Variants in KCNIP4 observed in about 807,000 individuals in gnomAD.
KCNIP4 encodes Kv channel-interacting protein 4.
A neutral mutation model predicts 34.0 loss-of-function variants in KCNIP4; 12 were observed. The observed-to-expected ratio is 0.35, with a 90% CI of 0.23 to 0.57. KCNIP4 has a LOEUF of 0.57. Ranked by LOEUF, KCNIP4 falls within the 20% of genes least tolerant of loss-of-function variation. The pLI is 0.83. For synonymous variants in KCNIP4, 124 were observed against 102.2 expected, an observed-to-expected ratio of 1.21 and a Z score of -1.29; for missense variants, 238 against 311.7, an observed-to-expected ratio of 0.76 and a Z score of 1.78.
chr4:20,868,282 A>G (rs1445779303), intron 2 of KCNIP4, among the ~76,000 whole-genome samples: 2 of 152,128 alleles, frequency 1.3e-5, no homozygotes, highest in African/African-American at 2.4e-5. Context: ...ATGTAAATCT[A>G]AATTACAATG....
intron 1 of KCNIP4, among the ~76,000 whole-genome samples, chr4:21,496,142 A>G (rs1292693271): frequency 1.3e-5 from 2 of 152,246 alleles, no homozygotes; most frequent in Non-Finnish European, 2.9e-5. Flanking sequence ...CACATCATCC[A>G]AAAGCTTTGG....
intron 3 of KCNIP4, among the ~76,000 whole-genome samples, chr4:20,844,917 G>A (rs1352429798): frequency 6.6e-6 from 1 of 151,928 alleles, no homozygotes; most frequent in African/African-American, 2.4e-5. Context: ...GTATGCTTCT[G>A]TTCTTCATGA....
At chr4:20,889,767 C>CA (rs201346832) in intron 1 of KCNIP4, among the ~76,000 whole-genome samples, 11,300 of 113,806 alleles carry the variant, frequency 0.099, 905 homozygotes, top group African/African-American at 0.26. Flanking sequence ...ACTGGAAGTT[C>CA]AAAAAAAAAA....
At chr4:21,887,466 T>A (rs926623249) in intron 1 of KCNIP4, among the ~76,000 whole-genome samples, 1 of 152,034 alleles carries the variant, frequency 6.6e-6, no homozygotes, top group African/African-American at 2.4e-5. Flanking sequence ...CACCATCACA[T>A]TTGGGATTCG....
In KCNIP4 at chr4:21,634,179, T is replaced by C. The variant is rs983530965; in HGVS notation, c.61+314392A>G. Reference sequence around the variant, plus strand: ...CAACAGAAGTTACTATGTTATCCACTATGTAGTATTTAAAATTCTTAGGAA... The same window carrying C: ...CAACAGAAGTTACTATGTTATCCACCATGTAGTATTTAAAATTCTTAGGAA... On this transcript the variant is annotated intron_variant, in intron 1 of 8. Transcript: ENST00000382152. Among the ~76,000 whole-genome samples, 5 of 146,052 alleles carry C rather than the reference T, an allele frequency of 3.4e-5. 1 individual carries two copies. The highest frequency in any genetic ancestry group is 2.8e-4 in the Admixed American group (4 of 14,346).
intron 1 of KCNIP4, among the ~76,000 whole-genome samples, chr4:21,051,534 G>A (rs1162373385): frequency 1.3e-5 from 2 of 152,108 alleles, no homozygotes; most frequent in African/African-American, 2.4e-5. Context: ...GAATCATAAT[G>A]TGTGGGGGTA....
intron 1 of KCNIP4, among the ~76,000 whole-genome samples, chr4:21,165,430 ATC>A (rs1350256619): frequency 8.1e-5 from 1 of 12,396 alleles, no homozygotes; most frequent in Non-Finnish European, 1.6e-4. Context: ...AAAAAAAAAA[ATC>A]ATATGTTTGA....
intron 1 of KCNIP4, among the ~76,000 whole-genome samples, chr4:21,499,538 A>G (rs191402047): frequency 2.6e-5 from 4 of 151,730 alleles, no homozygotes; most frequent in Admixed American, 1.3e-4. Context: ...AATCACTCAG[A>G]AAAAAACTGG....
intron 1 of KCNIP4, among the ~76,000 whole-genome samples, chr4:21,824,972 T>C (rs1458046780): frequency 1.3e-5 from 2 of 152,112 alleles, no homozygotes; most frequent in East Asian, 3.9e-4. Flanking sequence ...CTTAAATAAC[T>C]ATTATTATAG....
chr4:21,074,893 G>T (rs1240447967), intron 1 of KCNIP4, among the ~76,000 whole-genome samples: 1 of 152,060 alleles, frequency 6.6e-6, no homozygotes, highest in Non-Finnish European at 1.5e-5. Flanking sequence ...ATTTCGTTAT[G>T]TACCCAGTAG....
At chr4:21,484,092 T>G (rs895564540) in intron 1 of KCNIP4, among the ~76,000 whole-genome samples, 2 of 152,172 alleles carry the variant, frequency 1.3e-5, no homozygotes, top group Non-Finnish European at 2.9e-5. Flanking sequence ...GCATTTATAA[T>G]AATGCTTATG....
intron 1 of KCNIP4, among the ~76,000 whole-genome samples, chr4:21,596,291 T>C (rs1479904537): frequency 6.6e-6 from 1 of 152,176 alleles, no homozygotes; most frequent in Non-Finnish European, 1.5e-5. Context: ...AATATTTCAG[T>C]ACACCATAAT....
chr4:20,831,086 T>C (rs761669076), intron 3 of KCNIP4, among the ~76,000 whole-genome samples: 1 of 152,212 alleles, frequency 6.6e-6, no homozygotes, highest in African/African-American at 2.4e-5. Context: ...TGTGACTGTA[T>C]AATTTACTTT....
intron 1 of KCNIP4, among the ~76,000 whole-genome samples, chr4:21,675,323 G>A (rs911719895): frequency 6.6e-6 from 1 of 152,044 alleles, no homozygotes; most frequent in Non-Finnish European, 1.5e-5. Context: ...GGGGAGGTGA[G>A]GATGATTAAT....
intron 1 of KCNIP4, among the ~76,000 whole-genome samples, chr4:20,963,684 G>A (rs145729727): frequency 7.3e-4 from 111 of 152,232 alleles, no homozygotes; most frequent in African/African-American, 2.6e-3. Context: ...AGTGAAAGAG[G>A]AGGTTAAAAA....
chr4:21,628,555 G>C (rs1415603846), intron 1 of KCNIP4, among the ~76,000 whole-genome samples: 1 of 152,114 alleles, frequency 6.6e-6, no homozygotes, highest in Non-Finnish European at 1.5e-5. Context: ...CAGATCCTTG[G>C]CTTAAATTCC....
intron 1 of KCNIP4, among the ~76,000 whole-genome samples, chr4:21,508,610 A>T (rs116630145): frequency 7.2e-5 from 11 of 152,344 alleles, no homozygotes; most frequent in Non-Finnish European, 1.6e-4. Context: ...TAAGTCAGAC[A>T]TACTCTGCTT....
intron 1 of KCNIP4, among the ~76,000 whole-genome samples, chr4:21,089,207 G>A (rs1381314243): frequency 2.0e-5 from 3 of 152,152 alleles, no homozygotes; most frequent in Admixed American, 1.3e-4. Flanking sequence ...AGATCATGGG[G>A]GTGGACTTCC....
intron 1 of KCNIP4, among the ~76,000 whole-genome samples, chr4:21,540,803 G>A (rs1737616272): frequency 6.6e-6 from 1 of 152,062 alleles, no homozygotes; most frequent in African/African-American, 2.4e-5. Flanking sequence ...GTGTTCAGAG[G>A]TTTTTTCAGT....
Sources: allele counts gnomAD v4.1 joint callset (sites outside exome capture counted in the v4.1 genomes callset), GRCh38; gene constraint gnomAD v4.1.1; transcripts MANE v1.5; gene names NCBI Gene and HGNC (gene_info 2026-07-23, HGNC 2026-07-21).